The following COL15A1 variants were observed in gnomAD, a reference collection of about 807,000 sequenced individuals.
The protein encoded by COL15A1 is collagen type XV alpha 1 chain, also known as collagen alpha-1(XV) chain.
A neutral mutation model predicts 165.9 loss-of-function variants in COL15A1; 111 were observed. The ratio of observed to expected loss-of-function variants is 0.67; its 90% CI spans 0.57 to 0.78. The LOEUF is 0.78. COL15A1 is among the 30% of genes least tolerant of loss of function. COL15A1 has a pLI of 0.00. For synonymous variants in COL15A1, 659 were observed against 674.8 expected, an observed-to-expected ratio of 0.98 and a Z score of 0.36; for missense variants, 1,745 against 1,789.7, an observed-to-expected ratio of 0.98 and a Z score of 0.45.
rs748392827 is a variant in COL15A1 at position 99,068,690 on chromosome 9, C to T, written c.3953+20C>T. 1.0e-5 allele frequency: 14 copies of T among 1,386,190 alleles called. No individual in the cohort carries two copies. The highest frequency in any genetic ancestry group is 1.4e-5 in the Non-Finnish European group (14 of 1,006,868). The allele number at this position is 1,386,190 out of a possible 1,614,324, so 85.9% of individuals were successfully genotyped here. ...TTCTTGGTAAGTGAGGGTGGAAGTT[C>T]TCAGATATGGTGTGATAGATAGTTT... On this transcript the variant is annotated intron_variant, in intron 41 of 41. Transcript: ENST00000375001.
chr9:98,948,215 G>A (rs1837616204), intron 2 of COL15A1, among the ~76,000 whole-genome samples: 1 of 152,162 alleles, frequency 6.6e-6, no homozygotes, highest in Non-Finnish European at 1.5e-5. Flanking sequence ...ACAGACAACT[G>A]TAATGCCATT....
intron 19 of COL15A1, among the ~76,000 whole-genome samples, 185 bp downstream of exon 19, chr9:99,035,603 G>A (rs1839287904): frequency 6.6e-6 from 1 of 152,144 alleles, no homozygotes; most frequent in Admixed American, 6.5e-5. Flanking sequence ...GAACAGCATA[G>A]AAGTTTTGCA....
At chr9:98,945,984 A>G (rs1275907105) in intron 2 of COL15A1, among the ~76,000 whole-genome samples, 1 of 152,134 alleles carries the variant, frequency 6.6e-6, no homozygotes, top group Admixed American at 6.5e-5. Flanking sequence ...GGGCCAGCAA[A>G]CCTTCAGGAG....
chr9:98,955,356 G>T (rs1837759082), intron 2 of COL15A1, among the ~76,000 whole-genome samples: 1 of 152,212 alleles, frequency 6.6e-6, no homozygotes, highest in Non-Finnish European at 1.5e-5. Context: ...TTACTTCCCT[G>T]CTCCCACATC....
intron 11 of COL15A1, among the ~76,000 whole-genome samples, chr9:99,019,184 G>GT (rs1442875026): frequency 6.6e-6 from 1 of 152,048 alleles, no homozygotes; most frequent in Non-Finnish European, 1.5e-5. Context: ...TCTAGGATCA[G>GT]TTTTTTTGTT....
At chr9:99,062,377 C>A in intron 38 of COL15A1, 73 bp downstream of exon 38, 1 of 1,106,100 alleles carries the variant, frequency 9.0e-7, no homozygotes, top group East Asian at 2.4e-5. Context: ...TGGTATCTAG[C>A]ACCAAGCTCT....
rs368657052 is a variant in COL15A1, at chr9:98,999,399, G to A, written c.953-1440G>A. On this transcript the variant is annotated intron_variant, in intron 6 of 41. Transcript: ENST00000375001. The stretch of plus-strand genomic sequence containing the variant: ...GCAGGAAGGTGGTGGGAGGGGTCCC[G>A]GTGGGCAGGACAGGTGGGCCAGCAG... 1.1e-4 allele frequency among the ~76,000 whole-genome samples: 16 copies of A among 152,330 alleles called. No individual in the cohort carries two copies. In the East Asian group the frequency reaches 1.2e-3, roughly 11 times the overall value.
rs563898414 is a variant in COL15A1 at position 98,998,651 on chromosome 9, C to T, written c.952+1570C>T. Among the ~76,000 whole-genome samples the T allele has an allele frequency of 4.6e-5, 7 of 152,234 alleles. No homozygotes were observed. The East Asian group carries it at 7.7e-4, about 17-fold the overall frequency. ...AGTTGTGGAAGTGGCTTCTGAATTG[C>T]GAATGCTTTTCTCAGGGGTGGAATT... On this transcript the variant is annotated intron_variant, in intron 6 of 41. Transcript: ENST00000375001.
Position 99,026,727 on chromosome 9 carries a change from A to G in COL15A1, c.2043+761A>G, listed in dbSNP as rs182362701. 1.2e-3 allele frequency among the ~76,000 whole-genome samples: 183 copies of G among 152,210 alleles called. No individual in the cohort carries two copies. The South Asian group carries it at 0.013, about 11-fold the overall frequency. On this transcript the variant is annotated intron_variant, in intron 16 of 41. Transcript: ENST00000375001. ...ATCCTCCAAGACCCAGTTCAGATAC[A>G]TCCTCTGGGGAGCTCTCCCTGACTC...
intron 5 of COL15A1, among the ~76,000 whole-genome samples, chr9:98,995,005 C>T (rs1838519767): frequency 6.6e-6 from 1 of 152,154 alleles, no homozygotes; most frequent in African/African-American, 2.4e-5. Flanking sequence ...CCTGAACCCT[C>T]ACCTGCCCTG....
intron 14 of COL15A1, among the ~76,000 whole-genome samples, 186 bp from the exon 15 acceptor site, chr9:99,024,688 G>C (rs1172351334): frequency 6.6e-6 from 1 of 152,210 alleles, no homozygotes; most frequent in Non-Finnish European, 1.5e-5. Context: ...CTACTAATTA[G>C]CTGTGTGTCT....
chr9:99,061,135 A>G (rs926919076), intron 36 of COL15A1, among the ~76,000 whole-genome samples: 5 of 152,200 alleles, frequency 3.3e-5, no homozygotes, highest in African/African-American at 1.2e-4. Context: ...TCTTTGCTGG[A>G]TGTTAGTTGC....
chr9:99,005,182 T>C (rs979622191), intron 9 of COL15A1, 132 bp downstream of exon 9: 2 of 962,868 alleles, frequency 2.1e-6, no homozygotes, highest in Non-Finnish European at 3.0e-6. Flanking sequence ...AATACTCACT[T>C]GGGGGTGGAG....
intron 16 of COL15A1, among the ~76,000 whole-genome samples, chr9:99,027,918 T>C (rs1354528104): frequency 6.6e-6 from 1 of 152,134 alleles, no homozygotes; most frequent in Non-Finnish European, 1.5e-5. Flanking sequence ...GTATGTAAAA[T>C]AACAAAAAAT....
At chr9:99,054,477 T>G (rs1825681686) in intron 31 of COL15A1, 99 bp from the exon 32 acceptor site, 1 of 1,341,458 alleles carries the variant, frequency 7.5e-7, no homozygotes, top group African/African-American at 1.5e-5. Context: ...GAGTGGACTT[T>G]GCTAAATGAG....
At chr9:99,040,836 A>T in intron 23 of COL15A1, 1 of 481,646 alleles carries the variant, frequency 2.1e-6, no homozygotes, top group Non-Finnish European at 3.7e-6. Context: ...TGAACTTTTT[A>T]CATTTTCTAA....
intron 2 of COL15A1, among the ~76,000 whole-genome samples, chr9:98,975,128 G>C (rs554275357): frequency 1.4e-4 from 22 of 152,372 alleles, no homozygotes; most frequent in African/African-American, 5.0e-4. Context: ...GGCGTCCTCA[G>C]CCTCCCTCGC....
intron 30 of COL15A1, 138 bp from the exon 31 acceptor site, chr9:99,052,250 G>A: frequency 1.4e-6 from 1 of 702,224 alleles, no homozygotes; most frequent in Non-Finnish European, 2.6e-6. Context: ...AGGGCTTTGG[G>A]GGACTCCAGA....
chr9:99,003,018 GAGA>G (rs963059389), intron 7 of COL15A1, among the ~76,000 whole-genome samples: 2 of 152,240 alleles, frequency 1.3e-5, no homozygotes, highest in African/African-American at 4.8e-5. Context: ...CACAGGGAGA[GAGA>G]AGAAGCAGGA....
Sources: gnomAD v4.1 joint callset for allele counts (sites outside exome capture counted in the v4.1 genomes callset) on GRCh38, gnomAD v4.1.1 for gene constraint, MANE v1.5 for transcripts, NCBI Gene and HGNC (gene_info 2026-07-23, HGNC 2026-07-21) for gene names.